The following MICAL2 variants were observed in gnomAD, a reference collection of about 807,000 sequenced individuals.
MICAL2 encodes the protein microtubule associated monooxygenase, calponin and LIM domain containing 2, also known as [F-actin]-monooxygenase MICAL2.
A neutral mutation model predicts 127.3 loss-of-function variants in MICAL2; 77 were observed. That is an observed-to-expected ratio of 0.60 (90% CI 0.50 to 0.73). The LOEUF is 0.73. Among genes scored for constraint, MICAL2 ranks in the 30% least tolerant of loss-of-function variants. MICAL2 has a pLI of 0.00. For synonymous variants in MICAL2, 570 were observed against 551.1 expected, an observed-to-expected ratio of 1.03 and a Z score of -0.48; for missense variants, 1,351 against 1,434.4, an observed-to-expected ratio of 0.94 and a Z score of 0.94.
chr11:12,164,191 T>C (rs902414577), intron 3 of MICAL2, among the ~76,000 whole-genome samples: 1 of 152,174 alleles, frequency 6.6e-6, no homozygotes, highest in African/African-American at 2.4e-5. Flanking sequence ...TCATCACATC[T>C]TGTGGTTGGC....
At chr11:12,206,834 C>T (rs1310821507) in intron 4 of MICAL2, among the ~76,000 whole-genome samples, 1 of 152,118 alleles carries the variant, frequency 6.6e-6, no homozygotes, top group African/African-American at 2.4e-5. Context: ...TTTCCAATTC[C>T]AATCCCTCTG....
chr11:12,251,331 T>A (rs1475011859), intron 22 of MICAL2, among the ~76,000 whole-genome samples: 1 of 151,904 alleles, frequency 6.6e-6, no homozygotes, highest in Non-Finnish European at 1.5e-5. Flanking sequence ...GCCGTCCTGC[T>A]GTCAAGAAAT....
At chr11:12,302,806 G>A (rs972659418) in intron 29 of MICAL2, among the ~76,000 whole-genome samples, 2 of 152,144 alleles carry the variant, frequency 1.3e-5, no homozygotes, top group East Asian at 1.9e-4. Context: ...AGGGATTACA[G>A]GAAGATGCCA....
intron 3 of MICAL2, among the ~76,000 whole-genome samples, chr11:12,176,238 T>C (rs1404899621): frequency 6.6e-6 from 1 of 152,186 alleles, no homozygotes; most frequent in East Asian, 1.9e-4. Flanking sequence ...AAAGTCTTTT[T>C]GGAAGAAAAA....
chr11:12,331,025 C>T (rs1590740768), intron 32 of MICAL2, among the ~76,000 whole-genome samples: 1 of 151,948 alleles, frequency 6.6e-6, no homozygotes, highest in Non-Finnish European at 1.5e-5. Flanking sequence ...CCAGGATATG[C>T]AGTAACCTGA....
chr11:12,229,502 G>A (rs1857922749), intron 15 of MICAL2, among the ~76,000 whole-genome samples: 1 of 152,236 alleles, frequency 6.6e-6, no homozygotes, highest in African/African-American at 2.4e-5. Context: ...AGGCAAGCCA[G>A]TCAGTGTTTC....
chr11:12,241,958 G>GGA (rs1436931177), intron 18 of MICAL2, among the ~76,000 whole-genome samples: 1 of 152,124 alleles, frequency 6.6e-6, no homozygotes, highest in African/African-American at 2.4e-5. Context: ...TATGCAGCTA[G>GGA]GATTGAGAAC....
chr11:12,255,214 G>A (rs780871007), intron 22 of MICAL2: 12 of 168,554 alleles, frequency 7.1e-5, no homozygotes, highest in East Asian at 1.6e-4. Context: ...CACCACACCC[G>A]GCCAGCCTTA....
At chr11:12,193,968 A>T (rs1015170216) in intron 3 of MICAL2, among the ~76,000 whole-genome samples, 3 of 152,250 alleles carry the variant, frequency 2.0e-5, no homozygotes, top group African/African-American at 7.2e-5. Context: ...TGTGAGCAGC[A>T]ATGCCATTTT....
intron 33 of MICAL2, among the ~76,000 whole-genome samples, chr11:12,353,841 C>T (rs1282195179): frequency 6.6e-6 from 1 of 152,132 alleles, no homozygotes; most frequent in Admixed American, 6.5e-5. Flanking sequence ...CCCCACCCCA[C>T]CCACACAAAA....
intron 1 of MICAL2, among the ~76,000 whole-genome samples, chr11:12,137,364 T>C (rs374477256): frequency 6.6e-6 from 1 of 152,222 alleles, no homozygotes; most frequent in Admixed American, 6.5e-5. Context: ...GGGCAGCCAG[T>C]CCTGGGCTCC....
downstream of MICAL2, among the ~76,000 whole-genome samples, chr11:12,290,700 C>A (rs751051011): frequency 2.0e-5 from 3 of 152,218 alleles, no homozygotes; most frequent in Non-Finnish European, 2.9e-5. Flanking sequence ...CCAGAATTAC[C>A]TTTTCCCTCC....
chr11:12,226,050 T>A (rs1026711358), intron 13 of MICAL2, 121 bp from the exon 14 acceptor site: 62 of 923,112 alleles, frequency 6.7e-5, no homozygotes, highest in Non-Finnish European at 9.6e-5. Context: ...ATTCCTCCCC[T>A]GTAACCTGCC....
At chr11:12,189,861 A>C (rs11022244) in intron 3 of MICAL2, among the ~76,000 whole-genome samples, 2 of 151,942 alleles carry the variant, frequency 1.3e-5, no homozygotes, top group Non-Finnish European at 2.9e-5. Context: ...CTGTGAGGGG[A>C]GGCTTTCCAG....
In MICAL2 at chr11:12,239,558, C is replaced by T. The variant is rs553787757; in HGVS notation, c.2187C>T (p.Ser729=). Residue 729 remains serine (S), a synonymous_variant, in exon 17 of 28, where the codon AGC becomes AGT. Coordinates refer to ENST00000683283, the MANE Select transcript of MICAL2 (RefSeq NM_001282663.2). ...AGCTGCTGGCCAAGTTTGAGGAGAG[C>T]ACTCGGAACCCCTCACTCATGAAGC... ...ANQLLAKFEE[S]TRNPSLMKQE... The T allele has an allele frequency of 2.0e-4, 319 of 1,614,206 alleles. 4 individuals carry two copies. In the South Asian group the frequency reaches 3.3e-3, roughly 17 times the overall value.
At chr11:12,133,537 G>A (rs988497181) in intron 1 of MICAL2, among the ~76,000 whole-genome samples, 4 of 151,836 alleles carry the variant, frequency 2.6e-5, no homozygotes, top group African/African-American at 9.7e-5. Context: ...GACAAGCAAC[G>A]ATAATATTGT....
chr11:12,203,227 G>A lies in MICAL2; in HGVS notation c.265-1023G>A, dbSNP rs73416268. Among the ~76,000 whole-genome samples, 382 of 152,198 alleles carry A rather than the reference G, an allele frequency of 2.5e-3. 4 individuals carry two copies. Among genetic ancestry groups the A allele is most frequent in the African/African-American group, 5.9e-3 (246 of 41,518 alleles). On this transcript the variant is annotated intron_variant, in intron 3 of 27. Transcript: ENST00000683283. Reference sequence around the variant, plus strand: ...GAATGACGCCGCCATGAACATTCACGTACAGGATTTTGTGTGAACATGTTT... The same window carrying A: ...GAATGACGCCGCCATGAACATTCACATACAGGATTTTGTGTGAACATGTTT...
Position 12,239,543 on chromosome 11 carries a change from C to A in MICAL2, c.2172C>A (p.Ala724=), listed in dbSNP as rs780138220. The change falls in exon 17 of 28, where the codon GCC becomes GCA. Residue 724 remains alanine, a synonymous_variant. Transcript: ENST00000683283. ...AGTCCATGGCGAATCAGCTGCTGGC[C>A]AAGTTTGAGGAGAGCACTCGGAACC... The part of the protein sequence containing the change: ...KVKSMANQLL[A]KFEESTRNPS... 6.2e-7 allele frequency: 1 copy of A among 1,614,056 alleles called. No individual in the cohort carries two copies. Among genetic ancestry groups the A allele is most frequent in the Non-Finnish European group, 8.5e-7 (1 of 1,180,050 alleles).
chr11:12,361,458 A>T (rs1449990315), downstream of MICAL2, among the ~76,000 whole-genome samples: 1 of 152,198 alleles, frequency 6.6e-6, no homozygotes, highest in Non-Finnish European at 1.5e-5. Context: ...ATAAGCATCA[A>T]CCTATTCTAC....
Sources: gnomAD v4.1 joint callset for allele counts (sites outside exome capture counted in the v4.1 genomes callset) on GRCh38, gnomAD v4.1.1 for gene constraint, MANE v1.5 for transcripts, NCBI Gene and HGNC (gene_info 2026-07-23, HGNC 2026-07-21) for gene names.